Variants in TKTL1 observed in about 807,000 individuals in gnomAD.
The protein encoded by TKTL1 is transketolase like 1.
In TKTL1, 1 loss-of-function variant was observed where a neutral mutation model predicts 39.3. The ratio of observed to expected loss-of-function variants is 0.03; its 90% CI spans 0.01 to 0.12. The LOEUF is 0.12. Among genes scored for constraint, TKTL1 ranks in the 10% least tolerant of loss-of-function variants. The pLI, the probability that TKTL1 is intolerant of heterozygous loss-of-function variation, is 1.00. For synonymous variants in TKTL1, 262 were observed against 193.8 expected, an observed-to-expected ratio of 1.35 and a Z score of -2.92; for missense variants, 575 against 509.6, an observed-to-expected ratio of 1.13 and a Z score of -1.24.
chrX:154,313,998 T>G (rs1189838807), intron 6 of TKTL1, among the ~76,000 whole-genome samples: 2 of 109,852 alleles, frequency 1.8e-5, no homozygotes, highest in Admixed American at 9.8e-5. Flanking sequence ...TATGAAAATG[T>G]GTAAAAAGCG....
At chrX:154,328,054 C>T (rs2067506776) in intron 12 of TKTL1, 96 bp downstream of exon 12, 6 of 1,048,044 alleles carry the variant, frequency 5.7e-6, no homozygotes, top group Non-Finnish European at 1.3e-6. Flanking sequence ...CTATAGTCTA[C>T]CTCTCACCCA....
At chrX:154,306,853 C>G (rs2067318824) in intron 2 of TKTL1, among the ~76,000 whole-genome samples, 1 of 110,224 alleles carries the variant, frequency 9.1e-6, no homozygotes, top group Non-Finnish European at 1.9e-5. Context: ...CCCAGGCTGG[C>G]CTCAAACTCC....
chrX:154,303,243 ACT>A (rs2067288489), intron 1 of TKTL1, among the ~76,000 whole-genome samples: 1 of 102,297 alleles, frequency 9.8e-6, no homozygotes, highest in Non-Finnish European at 2.0e-5. Flanking sequence ...GCAGGGTTTC[ACT>A]CTGTTGCTCA....
Position 154,318,753 on chromosome X carries a change from TAGTG to T in TKTL1, c.1030-2001_1030-1998del, listed in dbSNP as rs1278328709. Reference sequence around the variant, plus strand: ...AAGTTCAAGACCAGCCTGAACAACATAGTGAGACCTGGTCTGTAATTAAAAAAAA... The same window carrying T: ...AAGTTCAAGACCAGCCTGAACAACATAGACCTGGTCTGTAATTAAAAAAAA... On this transcript the variant is annotated intron_variant, in intron 7 of 12. Coordinates refer to ENST00000369915, the MANE Select transcript of TKTL1 (RefSeq NM_012253.4). Among the ~76,000 whole-genome samples the T allele has an allele frequency of 1.2e-4, 12 of 96,257 alleles. 1 individual carries two copies. The highest frequency in any genetic ancestry group is 1.9e-4 in the Non-Finnish European group (9 of 47,095). The allele number at this position is 96,257 out of a possible 115,157, so 83.6% of individuals were successfully genotyped here.
At chrX:154,298,194 A>G (rs1297870895) in intron 1 of TKTL1, among the ~76,000 whole-genome samples, 4 of 110,599 alleles carry the variant, frequency 3.6e-5, no homozygotes, top group Non-Finnish European at 7.6e-5. Context: ...AAGCGGTATT[A>G]ATGACTCCAC....
chrX:154,323,369 A>G, intron 9 of TKTL1, 32 bp downstream of exon 9: 5 of 1,206,602 alleles, frequency 4.1e-6, no homozygotes, highest in Non-Finnish European at 5.6e-6. Flanking sequence ...TTTCAGACAG[A>G]AAATGCTTCT....
At position 154,295,869 on chromosome X, in the gene TKTL1, G is replaced by C. The variant is rs1381764870; in HGVS notation, c.10G>C (p.Ala4Pro). MAD[A>P]EARAEFPEEA... ...CAAAGGGGTTGGACTAATGGCGGAT[G>C]CTGAGGCGAGGGCTGAGTTCCCGGA... Residue 4 changes from alanine to proline, a missense_variant, in exon 1 of 13, where the codon GCT (alanine) becomes CCT (proline). By Grantham distance (27) the Ala-to-Pro change is conservative. Transcript: ENST00000369915. 6.6e-6 allele frequency: 8 copies of C among 1,209,782 alleles called. No homozygotes were observed. The highest frequency in any genetic ancestry group is 8.9e-6 in the Non-Finnish European group (8 of 894,969).
chrX:154,312,800 AAATC>A (rs1557168660), intron 6 of TKTL1, 27 bp downstream of exon 6: 1 of 1,154,412 alleles, frequency 8.7e-7, no homozygotes, highest in Admixed American at 2.3e-5. Context: ...ATAATTGAAT[AAATC>A]AGATACGTCA....
chrX:154,320,852 G>T lies in TKTL1; in HGVS notation c.1125G>T (p.Arg375=), dbSNP rs782180991. Residue 375 remains arginine (R), a synonymous_variant, in exon 8 of 13, where the codon CGG becomes CGT. Coordinates refer to ENST00000369915, the MANE Select transcript of TKTL1 (RefSeq NM_012253.4). The part of the protein sequence containing the change: ...AFLTRAFDHI[R]IGGLAESNIN... ...TGACTCGAGCATTTGATCACATCCG[G>T]ATAGGAGGCCTCGCTGAGAGCAACA... The T allele has an allele frequency of 2.5e-6, 3 of 1,211,493 alleles. No homozygotes were observed. The highest frequency in any genetic ancestry group is 3.4e-6 in the Non-Finnish European group (3 of 895,238).
At position 154,329,273 on chromosome X, in the gene TKTL1, C is replaced by T. The variant is rs2067518697; in HGVS notation, c.1619-243C>T. Among the ~76,000 whole-genome samples the T allele has an allele frequency of 3.6e-5, 4 of 112,140 alleles. No individual in the cohort carries two copies. The South Asian group carries it at 1.5e-3, about 41-fold the overall frequency. Reference sequence around the variant, plus strand: ...TTAGTTCTAACCATTTTCAGGTCCCCAACAGCTTTGAGAATCAGAGTGCCA... The same window carrying T: ...TTAGTTCTAACCATTTTCAGGTCCCTAACAGCTTTGAGAATCAGAGTGCCA... On this transcript the variant is annotated intron_variant, in intron 12 of 12. Coordinates refer to ENST00000369915, the MANE Select transcript of TKTL1 (RefSeq NM_012253.4).
intron 1 of TKTL1, among the ~76,000 whole-genome samples, chrX:154,297,244 T>A (rs782333193): frequency 7.3e-5 from 7 of 95,539 alleles, no homozygotes; most frequent in African/African-American, 2.4e-4. Context: ...GGTCTACAGG[T>A]TTTTTTTGTT....
At chrX:154,320,391 GAA>G (rs2067439327) in intron 7 of TKTL1, 1 of 230,106 alleles carries the variant, frequency 4.3e-6, no homozygotes, top group African/African-American at 2.8e-5. Context: ...TGATCCAAGA[GAA>G]AGGGAAGTAG....
At chrX:154,328,722 C>T (rs1557172551) in intron 12 of TKTL1, among the ~76,000 whole-genome samples, 1 of 110,632 alleles carries the variant, frequency 9.0e-6, no homozygotes, top group East Asian at 2.8e-4. Flanking sequence ...ATACAAGGAG[C>T]ATTGAGTGTT....
chrX:154,323,006 G>A (rs1188798962), intron 8 of TKTL1, among the ~76,000 whole-genome samples: 7 of 112,308 alleles, frequency 6.2e-5, no homozygotes, highest in African/African-American at 1.9e-4. Flanking sequence ...GTGTCACAGT[G>A]TGATCTCAAG....
chrX:154,318,661 T>C (rs1236230298), intron 7 of TKTL1, among the ~76,000 whole-genome samples: 1 of 101,723 alleles, frequency 9.8e-6, no homozygotes, highest in Non-Finnish European at 2.0e-5. Context: ...TGAGCTGAGA[T>C]TGCGCCACTG....
intron 2 of TKTL1, among the ~76,000 whole-genome samples, chrX:154,306,274 A>C (rs1186316277): frequency 8.9e-6 from 1 of 112,147 alleles, no homozygotes; most frequent in Non-Finnish European, 1.9e-5. Context: ...GTGCCACTGC[A>C]CTCCAGCCTG....
At chrX:154,304,988 C>T (rs2067303476) in intron 1 of TKTL1, 1 of 1,020,994 alleles carries the variant, frequency 9.8e-7, no homozygotes, top group African/African-American at 1.9e-5. Flanking sequence ...CTGAAAGTTC[C>T]TCGGCATGTG....
chrX:154,303,762 CA>C (rs1557166544), intron 1 of TKTL1, among the ~76,000 whole-genome samples: 2 of 108,700 alleles, frequency 1.8e-5, no homozygotes, highest in African/African-American at 6.7e-5. Context: ...TCACTTGAAG[CA>C]AAAGGCACTG....
chrX:154,312,336 C>T (rs1191209266), intron 5 of TKTL1, among the ~76,000 whole-genome samples: 2 of 111,800 alleles, frequency 1.8e-5, no homozygotes, highest in African/African-American at 6.5e-5. Flanking sequence ...GTTATGATCA[C>T]CCACTGCACT....
Sources: gnomAD v4.1 joint callset for allele counts (sites outside exome capture counted in the v4.1 genomes callset) on GRCh38, gnomAD v4.1.1 for gene constraint, MANE v1.5 for transcripts, NCBI Gene and HGNC (gene_info 2026-07-23, HGNC 2026-07-21) for gene names.